The following NEGR1 variants were observed in gnomAD, a reference collection of about 807,000 sequenced individuals.
The protein encoded by NEGR1 is IgLON family member 4.
NEGR1 carries 10 observed loss-of-function variants against 40.9 expected under a neutral mutation model. That is an observed-to-expected ratio of 0.24 (90% CI 0.15 to 0.42). The LOEUF (loss-of-function observed/expected upper bound fraction) is 0.42. Among genes scored for constraint, NEGR1 ranks in the 10% least tolerant of loss-of-function variants. The pLI is 1.00. For missense variants in NEGR1, 352 were observed against 438.9 expected (o/e 0.80, Z 1.77); for synonymous variants, 185 against 166.8 (o/e 1.11, Z -0.84).
intron 2 of NEGR1, among the ~76,000 whole-genome samples, chr1:71,812,206 G>T (rs1658028527): frequency 1.3e-5 from 2 of 151,924 alleles, no homozygotes; most frequent in Admixed American, 6.6e-5. Flanking sequence ...TTCCATCCAT[G>T]CCCCTGCAAA....
chr1:71,807,669 T>G (rs527549090), intron 2 of NEGR1, among the ~76,000 whole-genome samples: 5 of 152,288 alleles, frequency 3.3e-5, no homozygotes, highest in African/African-American at 1.2e-4. Flanking sequence ...AACAAACCAT[T>G]TCAAATTTTT....
At chr1:71,953,071 T>C (rs1646086479) in intron 1 of NEGR1, among the ~76,000 whole-genome samples, 1 of 151,948 alleles carries the variant, frequency 6.6e-6, no homozygotes, top group Non-Finnish European at 1.5e-5. Context: ...GTTGCTTTGA[T>C]GCCTAGTAAC....
At chr1:72,211,804 G>A (rs962205853) in intron 1 of NEGR1, among the ~76,000 whole-genome samples, 1 of 151,484 alleles carries the variant, frequency 6.6e-6, no homozygotes, top group African/African-American at 2.4e-5. Flanking sequence ...CACAAAAAAT[G>A]CCTGAGAACT....
chr1:72,199,792 T>G (rs914802782), intron 1 of NEGR1, among the ~76,000 whole-genome samples: 1 of 151,784 alleles, frequency 6.6e-6, no homozygotes, highest in Non-Finnish European at 1.5e-5. Context: ...CTAACAAATG[T>G]CTAATACCAA....
At chr1:71,954,677 T>C (rs1646104209) in intron 1 of NEGR1, among the ~76,000 whole-genome samples, 2 of 152,080 alleles carry the variant, frequency 1.3e-5, no homozygotes, top group Admixed American at 1.3e-4. Flanking sequence ...GGAATAATTA[T>C]CATTATTTCT....
chr1:71,985,104 G>C (rs1481163506), intron 1 of NEGR1, among the ~76,000 whole-genome samples: 1 of 152,008 alleles, frequency 6.6e-6, no homozygotes, highest in Non-Finnish European at 1.5e-5. Flanking sequence ...CAGGATATGG[G>C]ATCTTATCCT....
chr1:72,136,658 A>G (rs1345544945), intron 1 of NEGR1, among the ~76,000 whole-genome samples: 1 of 130,648 alleles, frequency 7.7e-6, no homozygotes, highest in Non-Finnish European at 1.8e-5. Context: ...AAAAAAAGGC[A>G]AAAAAAAAAA....
chr1:72,060,515 A>G (rs1285316759), intron 1 of NEGR1, among the ~76,000 whole-genome samples: 1 of 151,652 alleles, frequency 6.6e-6, no homozygotes, highest in Non-Finnish European at 1.5e-5. Context: ...CTGCTTGTCT[A>G]GAAATTTTTA....
At chr1:71,496,426 G>A (rs1295445382) in intron 6 of NEGR1, among the ~76,000 whole-genome samples, 1 of 151,850 alleles carries the variant, frequency 6.6e-6, no homozygotes, top group Non-Finnish European at 1.5e-5. Flanking sequence ...AGCAGCAGGT[G>A]GTAAAAAAAG....
rs1646247490 is a variant in NEGR1 at position 71,401,674 on chromosome 1, T to A, written c.*5772A>T. On this transcript the variant is annotated 3_prime_UTR_variant, in exon 7 of 7. Transcript: ENST00000357731. The stretch of plus-strand genomic sequence containing the variant: ...TCAGTATTGTGAATTTTTTTAAAAG[T>A]GTGTATGTATTCTGATCTCCATTTC... 6.6e-6 allele frequency: 1 copy of A among 152,240 alleles called. No homozygotes were observed. Among genetic ancestry groups the A allele is most frequent in the Non-Finnish European group, 1.5e-5 (1 of 68,050 alleles). 9.4% of individuals were successfully genotyped at this position (152,240 alleles called of 1,614,324 possible). A position where few individuals can be genotyped will look rare whatever the true frequency, so the allele number is the denominator to read the frequency against.
At chr1:71,854,946 C>A (rs1266923177) in intron 2 of NEGR1, among the ~76,000 whole-genome samples, 1 of 152,078 alleles carries the variant, frequency 6.6e-6, no homozygotes, top group Non-Finnish European at 1.5e-5. Flanking sequence ...GGTATCAAAA[C>A]AATGTCCATC....
intron 4 of NEGR1, among the ~76,000 whole-genome samples, chr1:71,656,517 A>G (rs1217968620): frequency 6.6e-6 from 1 of 152,058 alleles, no homozygotes; most frequent in Non-Finnish European, 1.5e-5. Flanking sequence ...GGTTCACGCC[A>G]TTCTCCTGCC....
chr1:71,627,365 C>T (rs555135425), intron 4 of NEGR1, among the ~76,000 whole-genome samples: 2 of 152,082 alleles, frequency 1.3e-5, no homozygotes, highest in African/African-American at 2.4e-5. Context: ...TATAACTAGG[C>T]ATTAAAATAC....
intron 4 of NEGR1, among the ~76,000 whole-genome samples, chr1:71,656,242 A>C (rs927647928): frequency 6.6e-6 from 1 of 152,190 alleles, no homozygotes; most frequent in Non-Finnish European, 1.5e-5. Flanking sequence ...GACGTAGTAA[A>C]GAAAGCAGAA....
At chr1:71,752,541 T>A (rs796749868) in intron 3 of NEGR1, among the ~76,000 whole-genome samples, 1 of 152,194 alleles carries the variant, frequency 6.6e-6, no homozygotes, top group Non-Finnish European at 1.5e-5. Flanking sequence ...GTTTTTATTC[T>A]AAGTGTATGC....
intron 1 of NEGR1, among the ~76,000 whole-genome samples, chr1:72,142,578 T>C (rs886270013): frequency 7.0e-6 from 1 of 142,188 alleles, no homozygotes; most frequent in African/African-American, 2.6e-5. Flanking sequence ...CAGATAGTGA[T>C]AGAACATAAT....
intron 6 of NEGR1, among the ~76,000 whole-genome samples, chr1:71,512,904 G>A (rs1647086001): frequency 6.6e-6 from 1 of 152,066 alleles, no homozygotes; most frequent in South Asian, 2.1e-4. Context: ...TTTAAAATGT[G>A]TAAATAAAAT....
chr1:72,234,976 C>T (rs569097882), intron 1 of NEGR1, among the ~76,000 whole-genome samples: 161 of 152,156 alleles, frequency 1.1e-3, no homozygotes, highest in African/African-American at 3.6e-3. Context: ...TGTATGTTCA[C>T]TGCAACACTA....
intron 2 of NEGR1, among the ~76,000 whole-genome samples, chr1:71,804,859 A>T (rs781089365): frequency 2.6e-5 from 4 of 152,228 alleles, no homozygotes; most frequent in Non-Finnish European, 4.4e-5. Flanking sequence ...CAAGAGAGAT[A>T]ACCTTAAACT....
Sources: allele counts gnomAD v4.1 joint callset (sites outside exome capture counted in the v4.1 genomes callset), GRCh38; gene constraint gnomAD v4.1.1; transcripts MANE v1.5; gene names NCBI Gene and HGNC (gene_info 2026-07-23, HGNC 2026-07-21).